Variants in THRB observed in about 807,000 individuals in gnomAD.
The protein encoded by THRB is thyroid hormone receptor beta.
A neutral mutation model predicts 47.8 loss-of-function variants in THRB; 12 were observed. The ratio of observed to expected loss-of-function variants is 0.25; its 90% CI spans 0.16 to 0.41. The LOEUF is 0.41. Ranked by LOEUF, THRB falls within the 10% of genes least tolerant of loss-of-function variation. THRB has a pLI of 1.00. For synonymous variants in THRB, 218 were observed against 212.2 expected (o/e 1.03, Z -0.24); for missense variants, 348 against 589.2 (o/e 0.59, Z 4.24).
chr3:24,170,181 C>T (rs11917719), intron 5 of THRB, among the ~76,000 whole-genome samples: 24,320 of 152,214 alleles, frequency 0.16, 2,018 homozygotes, highest in South Asian at 0.23. Flanking sequence ...CACCACCATC[C>T]ACCTGGGAGC....
chr3:24,151,269 T>G (rs560410481), intron 6 of THRB, among the ~76,000 whole-genome samples: 1 of 152,188 alleles, frequency 6.6e-6, no homozygotes, highest in Non-Finnish European at 1.5e-5. Context: ...GGAATTTGCA[T>G]GGAAAATCTT....
chr3:24,127,202 G>T (rs2033008212), intron 10 of THRB, among the ~76,000 whole-genome samples: 1 of 152,182 alleles, frequency 6.6e-6, no homozygotes, highest in African/African-American at 2.4e-5. Flanking sequence ...AAGGAGGCAG[G>T]TTTGGCCAAA....
chr3:24,268,761 A>G (rs2052924101), intron 3 of THRB, among the ~76,000 whole-genome samples: 1 of 152,184 alleles, frequency 6.6e-6, no homozygotes, highest in African/African-American at 2.4e-5. Context: ...TCTGGGTGTT[A>G]AAGCTTTGAG....
chr3:24,166,995 GA>G lies in THRB; in HGVS notation c.284-14506del, dbSNP rs911958279. On this transcript the variant is annotated intron_variant, in intron 5 of 10. Coordinates refer to ENST00000646209, the MANE Select transcript of THRB (RefSeq NM_001354712.2). Reference sequence around the variant, plus strand: ...TGGTGGCTACAGAGATGGCTGTTCAGAAAAAAAAAATCACCGTCTCTGTCAA... The same window carrying G: ...TGGTGGCTACAGAGATGGCTGTTCAGAAAAAAAAATCACCGTCTCTGTCAA... 2.3e-4 allele frequency among the ~76,000 whole-genome samples: 34 copies of G among 148,700 alleles called. No individual in the cohort carries two copies. In the East Asian group the frequency reaches 3.3e-3, roughly 15 times the overall value.
intron 3 of THRB, among the ~76,000 whole-genome samples, chr3:24,266,651 C>G (rs182911291): frequency 6.6e-6 from 1 of 152,174 alleles, no homozygotes; most frequent in South Asian, 2.1e-4. Flanking sequence ...AAAGAGGGAG[C>G]CAGCCAAGCC....
At chr3:24,398,892 G>A (rs1237173262) in intron 1 of THRB, among the ~76,000 whole-genome samples, 1 of 152,100 alleles carries the variant, frequency 6.6e-6, no homozygotes, top group Non-Finnish European at 1.5e-5. Flanking sequence ...GGAATACTAT[G>A]CAGCCATAAA....
At chr3:24,419,908 C>T (rs1394307327) in intron 1 of THRB, among the ~76,000 whole-genome samples, 1 of 151,716 alleles carries the variant, frequency 6.6e-6, no homozygotes, top group African/African-American at 2.4e-5. Flanking sequence ...ATTATCTCAA[C>T]CATGGCACAG....
intron 1 of THRB, among the ~76,000 whole-genome samples, chr3:24,374,368 A>T (rs1330601371): frequency 6.6e-6 from 1 of 152,150 alleles, no homozygotes; most frequent in Non-Finnish European, 1.5e-5. Context: ...ACATAGGAAG[A>T]GAATACATAT....
At chr3:24,395,838 A>G (rs1384803069) in intron 1 of THRB, among the ~76,000 whole-genome samples, 1 of 152,188 alleles carries the variant, frequency 6.6e-6, no homozygotes, top group African/African-American at 2.4e-5. Flanking sequence ...ATTATTCATA[A>G]TAGCCAAAAA....
At chr3:24,187,724 C>T (rs2042780719) in intron 5 of THRB, among the ~76,000 whole-genome samples, 1 of 152,210 alleles carries the variant, frequency 6.6e-6, no homozygotes, top group African/African-American at 2.4e-5. Flanking sequence ...AAATATAACT[C>T]TCTTCATAGT....
intron 1 of THRB, among the ~76,000 whole-genome samples, chr3:24,461,555 C>T (rs2073701126): frequency 1.3e-5 from 2 of 152,162 alleles, no homozygotes; most frequent in African/African-American, 4.8e-5. Context: ...AGAGATGTGG[C>T]TAATTAACTT....
At chr3:24,245,082 C>T (rs114833420) in intron 3 of THRB, among the ~76,000 whole-genome samples, 50 of 152,300 alleles carry the variant, frequency 3.3e-4, no homozygotes, top group Non-Finnish European at 4.9e-4. Context: ...ATGTGAGCAA[C>T]GTGATGATAT....
intron 5 of THRB, among the ~76,000 whole-genome samples, chr3:24,180,309 G>A (rs2041730836): frequency 6.6e-6 from 1 of 152,164 alleles, no homozygotes; most frequent in Admixed American, 6.5e-5. Flanking sequence ...CAATCTGCAA[G>A]TCATAGAATA....
At chr3:24,462,358 A>C (rs2073782540) in intron 1 of THRB, among the ~76,000 whole-genome samples, 1 of 152,240 alleles carries the variant, frequency 6.6e-6, no homozygotes, top group Admixed American at 6.5e-5. Flanking sequence ...CTCCAGTCTT[A>C]CATTCTAGAA....
At chr3:24,297,477 T>C (rs1185865358) in intron 2 of THRB, 106 bp from the exon 3 acceptor site, 2 of 152,292 alleles carry the variant, frequency 1.3e-5, no homozygotes, top group Non-Finnish European at 2.9e-5. Flanking sequence ...TTTAGAAATT[T>C]ACAGGCTAAA....
intron 1 of THRB, among the ~76,000 whole-genome samples, chr3:24,360,594 C>T (rs1387254678): frequency 1.3e-5 from 2 of 152,140 alleles, no homozygotes. Flanking sequence ...TGCCTGAGCA[C>T]CTTTTCTTCC....
intron 1 of THRB, among the ~76,000 whole-genome samples, chr3:24,377,794 A>G (rs1462421193): frequency 6.6e-6 from 1 of 152,076 alleles, no homozygotes; most frequent in Non-Finnish European, 1.5e-5. Context: ...CTCCCTGTAC[A>G]CTGAGAAGAG....
chr3:24,284,174 C>A (rs2054963102), intron 3 of THRB, among the ~76,000 whole-genome samples: 1 of 149,474 alleles, frequency 6.7e-6, no homozygotes, highest in Non-Finnish European at 1.5e-5. Flanking sequence ...TACCTGACTT[C>A]AAACTATACT....
chr3:24,310,621 A>G (rs1239247729), intron 2 of THRB, among the ~76,000 whole-genome samples: 1 of 152,180 alleles, frequency 6.6e-6, no homozygotes, highest in Admixed American at 6.5e-5. Context: ...TCCTGATTTG[A>G]GCACCACATT....
Sources: gnomAD v4.1 joint callset for allele counts (sites outside exome capture counted in the v4.1 genomes callset) on GRCh38, gnomAD v4.1.1 for gene constraint, MANE v1.5 for transcripts, NCBI Gene and HGNC (gene_info 2026-07-23, HGNC 2026-07-21) for gene names.